TEKTL1: variants seen among roughly 807,000 people sequenced by gnomAD.
The protein encoded by TEKTL1 is tektin like 1.
chr19:15,014,128 G>C, the TEKTL1 span, among the ~76,000 whole-genome samples: 1 of 152,194 alleles, frequency 6.6e-6, no homozygotes, highest in African/African-American at 2.4e-5. Flanking sequence ...TGAAAGCGCT[G>C]TGGTTTCAGC....
chr19:15,019,972 TA>T, the TEKTL1 span, among the ~76,000 whole-genome samples: 1 of 127,992 alleles, frequency 7.8e-6, no homozygotes, highest in African/African-American at 2.9e-5. Context: ...CAAAAAAAAA[TA>T]ATATATATAT....
the TEKTL1 span, among the ~76,000 whole-genome samples, chr19:15,018,715 A>AATATATATATATATATATATATATATAT: frequency 8.9e-3 from 606 of 68,122 alleles, 120 homozygotes; most frequent in East Asian, 0.022. Flanking sequence ...CCTATCTCAA[A>AATATATATATATATATATATATATATAT]ATATGTATAT....
the TEKTL1 span, chr19:15,020,637 C>T: frequency 6.2e-7 from 1 of 1,613,640 alleles, no homozygotes; most frequent in Non-Finnish European, 8.5e-7. Context: ...CTCCTCCAGA[C>T]CCTGTGGGCA....
At chr19:15,014,738 C>CGGGGTGGG in the TEKTL1 span, among the ~76,000 whole-genome samples, 2 of 29,804 alleles carry the variant, frequency 6.7e-5, 1 homozygote, top group African/African-American at 2.6e-4. Flanking sequence ...GGGCGGGGGG[C>CGGGGTGGG]GGGGGCTGCT....
chr19:15,011,448 C>A, the TEKTL1 span: 1 of 1,355,404 alleles, frequency 7.4e-7, no homozygotes, highest in Non-Finnish European at 9.6e-7. Context: ...ACTGAGGCCT[C>A]CGCTATGCGG....
chr19:15,020,454 C>G, the TEKTL1 span: 1 of 1,611,952 alleles, frequency 6.2e-7, no homozygotes, highest in Non-Finnish European at 8.5e-7. Flanking sequence ...CTCCCCTCCC[C>G]ACCCAGACCC....
chr19:15,015,796 C>T, the TEKTL1 span, among the ~76,000 whole-genome samples: 8 of 152,140 alleles, frequency 5.3e-5, no homozygotes, highest in African/African-American at 1.9e-4. Context: ...ACACTTAATG[C>T]CACTAAACTG....
At chr19:15,023,085 C>G in the TEKTL1 span, 2 of 1,608,272 alleles carry the variant, frequency 1.2e-6, no homozygotes, top group Non-Finnish European at 1.7e-6. Context: ...CCGCGCACGC[C>G]GCCGCCGCGC....
chr19:15,012,106 T>A, the TEKTL1 span, among the ~76,000 whole-genome samples: 50,329 of 147,064 alleles, frequency 0.34, 8,449 homozygotes, highest in Non-Finnish European at 0.37. Context: ...AAAAAAAAAA[T>A]TTTTAGTGGC....
At chr19:15,020,997 G>A in the TEKTL1 span, among the ~76,000 whole-genome samples, 3 of 151,320 alleles carry the variant, frequency 2.0e-5, no homozygotes, top group African/African-American at 7.3e-5. Context: ...CTCCTGCCTC[G>A]GCCTCCTGAG....
chr19:15,021,371 A>T, the TEKTL1 span: 1 of 1,614,170 alleles, frequency 6.2e-7, no homozygotes, highest in Non-Finnish European at 8.5e-7. Context: ...TTGGCGCTAA[A>T]CGAAGCCAAG....
the TEKTL1 span, chr19:15,021,377 C>G: frequency 2.0e-5 from 32 of 1,614,106 alleles, no homozygotes; most frequent in Admixed American, 1.5e-4. Flanking sequence ...CTAAACGAAG[C>G]CAAGCGGTTG....
At chr19:15,018,147 G>A in the TEKTL1 span, among the ~76,000 whole-genome samples, 1 of 152,124 alleles carries the variant, frequency 6.6e-6, no homozygotes, top group East Asian at 1.9e-4. Flanking sequence ...GAGGTCAGAA[G>A]TTTCAGACCA....
the TEKTL1 span, chr19:15,011,012 G>A: frequency 6.3e-7 from 1 of 1,585,268 alleles, no homozygotes; most frequent in Non-Finnish European, 8.6e-7. Flanking sequence ...CCACCACCTC[G>A]GCCGCGCCGC....
At chr19:15,011,327 G>C in the TEKTL1 span, 1 of 1,502,054 alleles carries the variant, frequency 6.7e-7, no homozygotes, top group Non-Finnish European at 8.8e-7. Context: ...GCTCAGCGAA[G>C]TGCGCAAGGG....
At chr19:15,017,511 G>A in the TEKTL1 span, among the ~76,000 whole-genome samples, 1 of 152,292 alleles carries the variant, frequency 6.6e-6, no homozygotes, top group African/African-American at 2.4e-5. Flanking sequence ...ACACAGCCTG[G>A]TGGGAGGGGG....
At chr19:15,014,549 A>C in the TEKTL1 span, among the ~76,000 whole-genome samples, 75 of 152,104 alleles carry the variant, frequency 4.9e-4, no homozygotes, top group African/African-American at 1.7e-3. Flanking sequence ...TTATGTATAG[A>C]TCTCCTCAGC....
the TEKTL1 span, chr19:15,020,471 C>T: frequency 1.9e-6 from 3 of 1,613,078 alleles, no homozygotes; most frequent in South Asian, 2.2e-5. Context: ...ACCCTGGCCT[C>T]CTGCCGAGAC....
At chr19:15,012,379 C>T in the TEKTL1 span, among the ~76,000 whole-genome samples, 1 of 152,018 alleles carries the variant, frequency 6.6e-6, no homozygotes, top group African/African-American at 2.4e-5. Flanking sequence ...GCCTGGACAA[C>T]ACAGCAAGAC....
Sources: gnomAD v4.1 joint callset for allele counts (sites outside exome capture counted in the v4.1 genomes callset) on GRCh38, gnomAD v4.1.1 for gene constraint, MANE v1.5 for transcripts, NCBI Gene and HGNC (gene_info 2026-07-23, HGNC 2026-07-21) for gene names.